Variants in RELN observed in about 807,000 individuals in gnomAD.
The protein encoded by RELN is reelin.
In RELN, 108 loss-of-function variants were observed where a neutral mutation model predicts 427.6. That is an observed-to-expected ratio of 0.25 (90% CI 0.22 to 0.30). The LOEUF (loss-of-function observed/expected upper bound fraction) is 0.30. Among genes scored for constraint, RELN ranks in the 10% least tolerant of loss-of-function variants. The pLI is 1.00. For synonymous variants in RELN, 1,524 were observed against 1,513.4 expected (o/e 1.01, Z -0.16); for missense variants, 3,715 against 4,302.8 (o/e 0.86, Z 3.82).
At chr7:103,728,256 G>A (rs758874067) in intron 6 of RELN, 49 bp from the exon 7 acceptor site, 25 of 1,525,540 alleles carry the variant, frequency 1.6e-5, no homozygotes, top group Non-Finnish European at 2.2e-5. Context: ...AGTAGCACAC[G>A]TGGTTTACTG....
At chr7:103,659,239 G>C (rs770525319) in intron 12 of RELN, among the ~76,000 whole-genome samples, 23 of 151,606 alleles carry the variant, frequency 1.5e-4, no homozygotes, top group Non-Finnish European at 2.8e-4. Flanking sequence ...CTGATCTCTT[G>C]CCCTTTAATT....
chr7:103,594,308 CAT>C lies in RELN; in HGVS notation c.3711+11_3711+12del. 5.6e-6 allele frequency: 9 copies of C among 1,610,344 alleles called. No individual in the cohort carries two copies. The highest frequency in any genetic ancestry group is 7.6e-6 in the Non-Finnish European group (9 of 1,176,728). ...ATTATCTGTCTTCTTGGAGTTCAGA[CAT>C]AGGAGAATACCTGAGGTAAAGTTGG... On this transcript the variant is annotated intron_variant, in intron 26 of 64. Transcript: ENST00000428762.
Position 103,640,519 on chromosome 7 carries a change from TA to T in RELN, c.2069+23del. 2 of 1,610,494 alleles carry T rather than the reference TA, an allele frequency of 1.2e-6. No individual in the cohort carries two copies. The highest frequency in any genetic ancestry group is 2.2e-5 in the South Asian group (2 of 90,996). On this transcript the variant is annotated intron_variant, in intron 17 of 64. Transcript: ENST00000428762. The surrounding 1 kb of genome is among the most constrained non-coding windows in gnomAD (Gnocchi z 4.1). ...CATTACACATCAAAAAGGAGAAGCA[TA>T]AGTGTTATTTTAAGATGCTTACTTG... is the stretch of plus-strand genomic sequence containing the variant.
chr7:103,530,178 C>T (rs1239195248), intron 46 of RELN, among the ~76,000 whole-genome samples: 1 of 152,124 alleles, frequency 6.6e-6, no homozygotes, highest in Non-Finnish European at 1.5e-5. Context: ...TCCATTTGTA[C>T]CTCCAGCCAT....
intron 1 of RELN, among the ~76,000 whole-genome samples, chr7:103,959,465 T>A (rs1406772972): frequency 6.6e-6 from 1 of 152,164 alleles, no homozygotes; most frequent in East Asian, 1.9e-4. Flanking sequence ...TCTCTCAAAC[T>A]TAACATGTTC....
intron 11 of RELN, among the ~76,000 whole-genome samples, chr7:103,665,161 G>C (rs1346148893): frequency 6.6e-6 from 1 of 152,034 alleles, no homozygotes; most frequent in Non-Finnish European, 1.5e-5. Flanking sequence ...TATACAGATA[G>C]GCATTTATTC....
intron 6 of RELN, 110 bp from the exon 7 acceptor site, chr7:103,728,317 T>G: frequency 9.6e-7 from 1 of 1,043,926 alleles, no homozygotes; most frequent in Admixed American, 1.9e-5. Context: ...CAAATCACCA[T>G]TTTGAGGAAA....
At chr7:103,744,060 T>G (rs1170232151) in intron 6 of RELN, among the ~76,000 whole-genome samples, 2 of 152,072 alleles carry the variant, frequency 1.3e-5, no homozygotes, top group African/African-American at 2.4e-5. Flanking sequence ...TATAATAAAC[T>G]GTCTCTCAGA....
intron 15 of RELN, 56 bp from the exon 16 acceptor site, chr7:103,650,439 C>T (rs995321522): frequency 6.5e-6 from 7 of 1,081,100 alleles, no homozygotes; most frequent in African/African-American, 3.1e-5. Flanking sequence ...TCTTTAGAAT[C>T]TATTTTACAT....
At chr7:103,502,984 G>A in intron 52 of RELN, 32 bp downstream of exon 52, 2 of 1,574,998 alleles carry the variant, frequency 1.3e-6, no homozygotes, top group Non-Finnish European at 1.7e-6. Flanking sequence ...CTGGATGCTT[G>A]GAACCAGGCT....
At chr7:103,764,191 G>A (rs1446178173) in intron 4 of RELN, among the ~76,000 whole-genome samples, 1 of 152,152 alleles carries the variant, frequency 6.6e-6, no homozygotes, top group African/African-American at 2.4e-5. Flanking sequence ...AACATCTACG[G>A]AGTATGTGCT....
intron 1 of RELN, among the ~76,000 whole-genome samples, chr7:103,944,068 T>C (rs1386581339): frequency 6.6e-6 from 1 of 151,952 alleles, no homozygotes; most frequent in Non-Finnish European, 1.5e-5. Context: ...CTGGAACTCC[T>C]AGATGAACCT....
chr7:103,763,770 GGA>G (rs2116143986), intron 4 of RELN, among the ~76,000 whole-genome samples: 1 of 151,970 alleles, frequency 6.6e-6, no homozygotes, highest in African/African-American at 2.4e-5. Flanking sequence ...AGATGACGTT[GGA>G]GAGAGAGAGA....
At chr7:103,628,064 A>C (rs1235248822) in intron 20 of RELN, 1 of 152,014 alleles carries the variant, frequency 6.6e-6, no homozygotes, top group Non-Finnish European at 1.5e-5. Flanking sequence ...TTAGGAAAAA[A>C]CTCTTCTATA....
chr7:103,854,809 T>A (rs1378379158), intron 2 of RELN, among the ~76,000 whole-genome samples: 1 of 152,208 alleles, frequency 6.6e-6, no homozygotes, highest in Admixed American at 6.5e-5. Context: ...GTTGTGGAAT[T>A]GTAATCTAGC....
At chr7:103,653,556 A>G (rs1484266735) in intron 13 of RELN, among the ~76,000 whole-genome samples, 3 of 152,080 alleles carry the variant, frequency 2.0e-5, no homozygotes, top group African/African-American at 4.8e-5. Flanking sequence ...ACAAAAAATA[A>G]TTTTACACTT....
At chr7:103,703,269 C>T (rs1285411492) in intron 8 of RELN, among the ~76,000 whole-genome samples, 1 of 152,120 alleles carries the variant, frequency 6.6e-6, no homozygotes, top group African/African-American at 2.4e-5. Context: ...TAAATGATTC[C>T]CTACTCCCGC....
chr7:103,794,930 A>G (rs974880107), intron 3 of RELN, among the ~76,000 whole-genome samples: 16 of 152,334 alleles, frequency 1.1e-4, no homozygotes, highest in South Asian at 4.1e-4. Flanking sequence ...CAAAATTTCA[A>G]TATTTACACA....
intron 46 of RELN, among the ~76,000 whole-genome samples, chr7:103,533,010 T>G (rs1446281125): frequency 6.6e-6 from 1 of 152,228 alleles, no homozygotes; most frequent in African/African-American, 2.4e-5. Flanking sequence ...CAGTTAAAAA[T>G]ATTTGTTTAA....
Sources: gnomAD v4.1 joint callset for allele counts (sites outside exome capture counted in the v4.1 genomes callset) on GRCh38, gnomAD v4.1.1 for gene constraint, Gnocchi (gnomAD v3.1) non-coding constraint, MANE v1.5 for transcripts, NCBI Gene and HGNC (gene_info 2026-07-23, HGNC 2026-07-21) for gene names.